ZNF131: variants seen among roughly 807,000 people sequenced by gnomAD.
ZNF131 encodes zinc finger protein 131.
In ZNF131, 7 loss-of-function variants were observed where a neutral mutation model predicts 60.0. The ratio of observed to expected loss-of-function variants is 0.12; its 90% confidence interval spans 0.07 to 0.22. The LOEUF (loss-of-function observed/expected upper bound fraction) is 0.22, where lower values mean the gene tolerates loss of function less well. ZNF131 is among the 10% of genes least tolerant of loss of function. The pLI is 1.00. For synonymous variants in ZNF131, 257 were observed against 253.2 expected (o/e 1.01, Z -0.14); for missense variants, 493 against 740.9 (o/e 0.67, Z 3.88).
At chr5:43,162,924 A>G (rs1207930372) in intron 5 of ZNF131, among the ~76,000 whole-genome samples, 3 of 146,678 alleles carry the variant, frequency 2.0e-5, no homozygotes, top group Non-Finnish European at 4.5e-5. Flanking sequence ...AAAAAAAAAA[A>G]AAAAGCAATC....
At chr5:43,125,696 G>A (rs548089412) in intron 3 of ZNF131, among the ~76,000 whole-genome samples, 1 of 151,880 alleles carries the variant, frequency 6.6e-6, no homozygotes, top group Non-Finnish European at 1.5e-5. Flanking sequence ...CAGGAGAATC[G>A]CTTGAACCCG....
rs560561479 is a variant in ZNF131 at position 43,162,714 on chromosome 5, A to G, written c.1054+783A>G. On this transcript the variant is annotated intron_variant, in intron 5 of 6. Coordinates refer to ENST00000682664, the MANE Select transcript of ZNF131 (RefSeq NM_001330707.2). ...GGTCAGGAGTTCAGAGACCAGCCTG[A>G]CCAACATTGTGAAACCCCGTCTCTA... 2.5e-3 allele frequency among the ~76,000 whole-genome samples: 380 copies of G among 151,150 alleles called. 1 individual carries two copies. The highest frequency in any genetic ancestry group is 4.2e-3 in the Non-Finnish European group (287 of 67,742).
chr5:43,154,374 ACTGCACTCCAGC>A (rs1166921949), intron 4 of ZNF131, among the ~76,000 whole-genome samples: 5 of 151,964 alleles, frequency 3.3e-5, no homozygotes, highest in Non-Finnish European at 7.4e-5. Context: ...AGATTGCGCC[ACTGCACTCCAGC>A]CTGGGCTCCA....
intron 4 of ZNF131, among the ~76,000 whole-genome samples, chr5:43,155,081 C>T (rs1156937496): frequency 6.6e-6 from 1 of 152,206 alleles, no homozygotes; most frequent in Non-Finnish European, 1.5e-5. Flanking sequence ...CCAGTGAACA[C>T]CGTCAAATTT....
At chr5:43,128,807 A>G (rs771175871) in intron 3 of ZNF131, among the ~76,000 whole-genome samples, 114 of 151,396 alleles carry the variant, frequency 7.5e-4, no homozygotes, top group Non-Finnish European at 9.3e-4. Context: ...GCTGGAGTGC[A>G]GTGTACCATC....
intron 5 of ZNF131, among the ~76,000 whole-genome samples, chr5:43,162,969 CTTTTTTTTTT>C (rs1205635519): frequency 1.5e-5 from 1 of 64,908 alleles, no homozygotes; most frequent in Admixed American, 3.0e-4. Context: ...TTTTATTTGC[CTTTTTTTTTT>C]TTTTTTTTGG....
chr5:43,141,636 C>T (rs1342511543), intron 4 of ZNF131, among the ~76,000 whole-genome samples: 4 of 151,920 alleles, frequency 2.6e-5, no homozygotes, highest in South Asian at 4.1e-4. Context: ...GGCACTGTGG[C>T]GTGCAACTGT....
In ZNF131 at chr5:43,161,716, T is replaced by C; in HGVS notation, c.839T>C (p.Met280Thr). ...TTGTTTTACCATTTTAAGGAGCACA[T>C]GAAATCACACTCCACTGAGAGTTTC... ...FKLFYHFKEH[M>T]KSHSTESFKC... Residue 280 changes from methionine (M) to threonine (T), a missense_variant, in exon 5 of 7, where the codon ATG becomes ACG. Met to Thr is a moderately conservative substitution (Grantham distance 81). Transcript: ENST00000682664. 1.2e-6 allele frequency: 2 copies of C among 1,614,236 alleles called. No homozygotes were observed. The highest frequency in any genetic ancestry group is 2.2e-5 in the East Asian group (1 of 44,888).
intron 4 of ZNF131, among the ~76,000 whole-genome samples, chr5:43,152,668 G>T (rs1748470444): frequency 6.6e-6 from 1 of 152,160 alleles, no homozygotes. Flanking sequence ...GTGCAGTGGT[G>T]CAATCACAGC....
chr5:43,147,593 T>G (rs1206445895), intron 4 of ZNF131, among the ~76,000 whole-genome samples: 1 of 151,132 alleles, frequency 6.6e-6, no homozygotes, highest in African/African-American at 2.4e-5. Context: ...AATTTTTTTC[T>G]GTATTTTTAG....
At chr5:43,162,185 A>C (rs974694768) in intron 5 of ZNF131, among the ~76,000 whole-genome samples, 1 of 152,248 alleles carries the variant, frequency 6.6e-6, no homozygotes, top group Non-Finnish European at 1.5e-5. Flanking sequence ...GAAATAGAGA[A>C]AATAGTTTGT....
chr5:43,134,571 C>T (rs893360966), intron 3 of ZNF131, among the ~76,000 whole-genome samples: 1 of 151,656 alleles, frequency 6.6e-6, no homozygotes, highest in Non-Finnish European at 1.5e-5. Context: ...TCTCTTTTTG[C>T]AGATGACATC....
intron 4 of ZNF131, among the ~76,000 whole-genome samples, chr5:43,157,845 G>A (rs78465197): frequency 0.097 from 14,716 of 152,318 alleles, 847 homozygotes; most frequent in East Asian, 0.19. Flanking sequence ...CAGAACTCCA[G>A]TCTCTGCCTT....
At chr5:43,132,190 G>A (rs1053491266) in intron 3 of ZNF131, among the ~76,000 whole-genome samples, 7 of 152,122 alleles carry the variant, frequency 4.6e-5, no homozygotes, top group Non-Finnish European at 7.4e-5. Flanking sequence ...ACTTCTGAAA[G>A]ACAGCAAAAG....
chr5:43,170,984 G>T (rs1403800635), intron 5 of ZNF131, among the ~76,000 whole-genome samples: 2 of 143,298 alleles, frequency 1.4e-5, no homozygotes, highest in East Asian at 2.1e-4. Context: ...TCGCTCTGTC[G>T]CCCAGGCTGG....
intron 5 of ZNF131, among the ~76,000 whole-genome samples, chr5:43,165,352 C>A (rs1242943612): frequency 2.0e-5 from 3 of 151,778 alleles, no homozygotes; most frequent in Admixed American, 2.0e-4. Flanking sequence ...ATGGTTTTAT[C>A]CTCTTTGTGC....
intron 3 of ZNF131, among the ~76,000 whole-genome samples, chr5:43,134,457 G>A (rs905660673): frequency 9.2e-5 from 14 of 152,040 alleles, no homozygotes; most frequent in African/African-American, 3.1e-4. Context: ...ACAAGACAAG[G>A]ATGCCTACTC....
At chr5:43,147,223 T>C (rs1747706411) in intron 4 of ZNF131, among the ~76,000 whole-genome samples, 2 of 152,062 alleles carry the variant, frequency 1.3e-5, no homozygotes, top group African/African-American at 2.4e-5. Context: ...CTGATGACTT[T>C]TGCATGTTTT....
At position 43,175,201 on chromosome 5, in the gene ZNF131, G is replaced by A; in HGVS notation, c.*68G>A. On this transcript the variant is annotated 3_prime_UTR_variant, in exon 7 of 7. Transcript: ENST00000682664. ...TGAACTGATTATGGGCAGTTTGACT[G>A]TCCTTAATTAAGCCTAACAGACAAG... The A allele has an allele frequency of 9.7e-6, 14 of 1,443,486 alleles. No individual in the cohort carries two copies. The highest frequency in any genetic ancestry group is 1.3e-5 in the Non-Finnish European group (14 of 1,081,928). The allele number at this position is 1,443,486 out of a possible 1,614,324, so 89.4% of individuals were successfully genotyped here.
Sources: allele counts gnomAD v4.1 joint callset (sites outside exome capture counted in the v4.1 genomes callset), GRCh38; gene constraint gnomAD v4.1.1; transcripts MANE v1.5; gene names NCBI Gene and HGNC (gene_info 2026-07-23, HGNC 2026-07-21).